The following PCDHA13 variants were observed in gnomAD, a reference collection of about 807,000 sequenced individuals.
PCDHA13 encodes the protein protocadherin alpha 13.
A neutral mutation model predicts 64.8 loss-of-function variants in PCDHA13; 54 were observed. That is an observed-to-expected ratio of 0.83 (90% CI 0.67 to 1.04). PCDHA13 has a LOEUF of 1.04. PCDHA13 is among the 50% of genes least tolerant of loss of function. The probability of loss-of-function intolerance (pLI) is 0.00; values close to 1 mark genes in which losing one functional copy is unlikely to be tolerated. For missense variants in PCDHA13, 1,248 were observed against 1,254.3 expected (o/e 0.99, Z 0.08); for synonymous variants, 587 against 564.4 (o/e 1.04, Z -0.57).
At chr5:140,967,936 T>G in intron 1 of PCDHA13, 1 of 1,614,226 alleles carries the variant, frequency 6.2e-7, no homozygotes, top group Non-Finnish European at 8.5e-7. Flanking sequence ...TCAGTGTCAA[T>G]GACCAAGACT....
chr5:140,952,566 G>A (rs1198943972), intron 1 of PCDHA13, among the ~76,000 whole-genome samples: 1 of 151,938 alleles, frequency 6.6e-6, no homozygotes, highest in African/African-American at 2.4e-5. Flanking sequence ...TCAGCACTTC[G>A]GTCCCAATCA....
chr5:140,927,802 A>G (rs782489417), intron 1 of PCDHA13: 1 of 1,614,030 alleles, frequency 6.2e-7, no homozygotes, highest in African/African-American at 1.3e-5. Flanking sequence ...TCCGCCTGAA[A>G]CGCTCTTGGA....
At chr5:140,912,865 A>G (rs1554195582) in intron 1 of PCDHA13, among the ~76,000 whole-genome samples, 1 of 152,138 alleles carries the variant, frequency 6.6e-6, no homozygotes, top group East Asian at 1.9e-4. Flanking sequence ...GAAATGATAT[A>G]TGGTTTTTGG....
At chr5:140,913,092 C>T (rs1293188459) in intron 1 of PCDHA13, among the ~76,000 whole-genome samples, 1 of 152,134 alleles carries the variant, frequency 6.6e-6, no homozygotes, top group Non-Finnish European at 1.5e-5. Flanking sequence ...CAGGATAATA[C>T]TGGCCTCATA....
chr5:140,982,014 C>A (rs546904836), intron 2 of PCDHA13, among the ~76,000 whole-genome samples: 1 of 152,152 alleles, frequency 6.6e-6, no homozygotes, highest in Admixed American at 6.5e-5. Context: ...AATTAGATAG[C>A]CAAATTGGAA....
intron 1 of PCDHA13, among the ~76,000 whole-genome samples, chr5:140,898,010 T>A (rs2066467224): frequency 6.6e-6 from 1 of 152,240 alleles, no homozygotes; most frequent in African/African-American, 2.4e-5. Context: ...TCTGTTCATA[T>A]CCTTTGCCCA....
At chr5:140,927,989 A>T (rs2084847354) in intron 1 of PCDHA13, 1 of 1,614,208 alleles carries the variant, frequency 6.2e-7, no homozygotes, top group African/African-American at 1.3e-5. Flanking sequence ...AGTGTAAAGG[A>T]TGAAGACCTC....
intron 1 of PCDHA13, among the ~76,000 whole-genome samples, chr5:140,944,243 A>C (rs1202248629): frequency 2.6e-5 from 4 of 152,208 alleles, no homozygotes; most frequent in Non-Finnish European, 2.9e-5. Context: ...GCTGGAGTGC[A>C]GTGATGTGAT....
Position 140,968,070 on chromosome 5 carries a change from A to G in PCDHA13, c.2395-10879A>G, listed in dbSNP as rs377189542. On this transcript the variant is annotated intron_variant, in intron 1 of 3. Transcript: ENST00000289272. The stretch of plus-strand genomic sequence containing the variant: ...CTGGACCGAGAGCGGGTGGCTGTCT[A>G]CAACATCACGGTGACAGCCACAGAT... 3.5e-5 allele frequency: 57 copies of G among 1,614,034 alleles called. No homozygotes were observed. The highest frequency in any genetic ancestry group is 1.6e-4 in the Middle Eastern group (1 of 6,082).
At chr5:141,003,423 T>G (rs1278383006) in intron 3 of PCDHA13, among the ~76,000 whole-genome samples, 1 of 152,164 alleles carries the variant, frequency 6.6e-6, no homozygotes, top group Non-Finnish European at 1.5e-5. Context: ...GTGATTCTTA[T>G]GCCTCAGCCT....
chr5:140,968,201 C>T, intron 1 of PCDHA13: 1 of 1,614,032 alleles, frequency 6.2e-7, no homozygotes, highest in Non-Finnish European at 8.5e-7. Context: ...CATCTACATA[C>T]AGGAGAACAA....
At position 140,932,218 on chromosome 5, in the gene PCDHA13, T is replaced by G. The variant is rs556134668; in HGVS notation, c.2395-46731T>G. ...TCTGTTAATATTCTTGATGGGCAATTTAAATTTTTTAGAATGGTATCTAAG... is the reference window on the plus strand; with the variant it reads ...TCTGTTAATATTCTTGATGGGCAATGTAAATTTTTTAGAATGGTATCTAAG... On this transcript the variant is annotated intron_variant, in intron 1 of 3. Coordinates refer to ENST00000289272, the MANE Select transcript of PCDHA13 (RefSeq NM_018904.3). Among the ~76,000 whole-genome samples, 20 of 152,034 alleles carry G rather than the reference T, an allele frequency of 1.3e-4. 1 individual carries two copies. Among genetic ancestry groups the G allele is most frequent in the Middle Eastern group, 3.4e-3 (1 of 292 alleles).
At position 140,927,270 on chromosome 5, in the gene PCDHA13, C is replaced by T. The variant is rs541200655; in HGVS notation, c.2394+42608C>T. 5 of 1,614,150 alleles carry T rather than the reference C, an allele frequency of 3.1e-6. No individual in the cohort carries two copies. The South Asian group carries it at 3.3e-5, about 11-fold the overall frequency. ...ATGACAACTCACCTCTCTTTCCTGCCGGCGACGTGCAGCTGCACATCCCCG... is the reference window on the plus strand; with the variant it reads ...ATGACAACTCACCTCTCTTTCCTGCTGGCGACGTGCAGCTGCACATCCCCG... On this transcript the variant is annotated intron_variant, in intron 1 of 3. Transcript: ENST00000289272.
At chr5:140,906,521 C>T (rs529787398) in intron 1 of PCDHA13, among the ~76,000 whole-genome samples, 4 of 152,330 alleles carry the variant, frequency 2.6e-5, no homozygotes, top group African/African-American at 9.6e-5. Flanking sequence ...AGGAAATACT[C>T]ACGACAATTA....
chr5:141,000,395 C>CTCTA (rs1213762225), intron 3 of PCDHA13, among the ~76,000 whole-genome samples: 16 of 53,972 alleles, frequency 3.0e-4, no homozygotes, highest in East Asian at 6.1e-4. Context: ...CTCTCTCTCT[C>CTCTA]TATATATATA....
chr5:140,887,526 C>G (rs914597781), intron 1 of PCDHA13, among the ~76,000 whole-genome samples: 10 of 152,086 alleles, frequency 6.6e-5, no homozygotes, highest in Admixed American at 1.3e-4. Flanking sequence ...ATATATGAGT[C>G]TTCCTCTCCC....
Position 140,883,410 on chromosome 5 carries a change from C to T in PCDHA13, c.1142C>T (p.Ser381Leu). The T allele has an allele frequency of 1.2e-6, 2 of 1,614,180 alleles. No homozygotes were observed. The highest frequency in any genetic ancestry group is 1.7e-6 in the Non-Finnish European group (2 of 1,180,032). ...LISVSDRDSG[S>L]NGQVTCTLTP... Reference sequence around the variant, plus strand: ...AGTGTGTCCGATCGTGACTCTGGCTCAAATGGACAGGTCACCTGCACCTTG... The same window carrying T: ...AGTGTGTCCGATCGTGACTCTGGCTTAAATGGACAGGTCACCTGCACCTTG... Residue 381 changes from serine (S) to leucine (L), a missense_variant, in exon 1 of 4, where the codon TCA (serine) becomes TTA (leucine). Coordinates refer to ENST00000289272, the MANE Select transcript of PCDHA13 (RefSeq NM_018904.3).
At chr5:140,927,827 C>T (rs1554205116) in intron 1 of PCDHA13, 2 of 1,614,100 alleles carry the variant, frequency 1.2e-6, no homozygotes, top group South Asian at 2.2e-5. Flanking sequence ...TACATTGAGG[C>T]GAGGGACGAA....
At chr5:140,920,632 T>G (rs1054888668) in intron 1 of PCDHA13, among the ~76,000 whole-genome samples, 1 of 152,018 alleles carries the variant, frequency 6.6e-6, no homozygotes, top group South Asian at 2.1e-4. Context: ...GATCACAAGG[T>G]CAAGAGATTG....
Sources: gnomAD v4.1 joint callset for allele counts (sites outside exome capture counted in the v4.1 genomes callset) on GRCh38, gnomAD v4.1.1 for gene constraint, MANE v1.5 for transcripts, NCBI Gene and HGNC (gene_info 2026-07-23, HGNC 2026-07-21) for gene names.